Variants in JAZF1 observed in about 807,000 individuals in gnomAD.
JAZF1 encodes the protein JAZF zinc finger 1, also known as juxtaposed with another zinc finger protein 1.
In JAZF1, 8 loss-of-function variants were observed where a neutral mutation model predicts 26.4. That is an observed-to-expected ratio of 0.30 (90% CI 0.18 to 0.55). JAZF1 has a LOEUF of 0.55. Among genes scored for constraint, JAZF1 ranks in the 20% least tolerant of loss-of-function variants. The pLI, the probability that JAZF1 is intolerant of heterozygous loss-of-function variation, is 0.94. For missense variants in JAZF1, 199 were observed against 322.0 expected, an observed-to-expected ratio of 0.62 and a Z score of 2.92; for synonymous variants, 126 against 122.3, an observed-to-expected ratio of 1.03 and a Z score of -0.20.
chr7:28,091,128 T>G (rs1352315135), intron 1 of JAZF1, among the ~76,000 whole-genome samples: 1 of 152,126 alleles, frequency 6.6e-6, no homozygotes, highest in Non-Finnish European at 1.5e-5. Flanking sequence ...GCCCGGCCTT[T>G]TTTTTAGTTT....
intron 3 of JAZF1, chr7:27,843,440 C>T (rs886921448): frequency 6.6e-6 from 1 of 152,172 alleles, no homozygotes; most frequent in African/African-American, 2.4e-5. Context: ...GATAGGAGGA[C>T]CTCCATAGAG....
chr7:27,972,392 C>T (rs778707200), intron 2 of JAZF1, among the ~76,000 whole-genome samples: 3 of 152,146 alleles, frequency 2.0e-5, no homozygotes, highest in Admixed American at 6.5e-5. Context: ...GCTGGGTGTG[C>T]TCAAGGGGCA....
chr7:27,951,213 A>G lies in JAZF1; in HGVS notation c.188+40696T>C, dbSNP rs7797280. ...CACTCCTATTTAAATATGCTGTTCA[A>G]TTTTCATCTGGGTGTGCTAACTTCC... On this transcript the variant is annotated intron_variant, in intron 2 of 4. Coordinates refer to ENST00000283928, the MANE Select transcript of JAZF1 (RefSeq NM_175061.4). Among the ~76,000 whole-genome samples, 1,294 of 152,202 alleles carry G rather than the reference A, an allele frequency of 8.5e-3. 20 individuals carry two copies. Among genetic ancestry groups the G allele is most frequent in the African/African-American group, 0.03 (1,239 of 41,518 alleles).
At chr7:27,957,461 G>A (rs183264558) in intron 2 of JAZF1, among the ~76,000 whole-genome samples, 15 of 152,314 alleles carry the variant, frequency 9.8e-5, no homozygotes, top group African/African-American at 3.1e-4. Context: ...GACGCAGCTG[G>A]TGTGAAGCAT....
At chr7:27,868,387 T>A (rs1470198065) in intron 3 of JAZF1, among the ~76,000 whole-genome samples, 1 of 152,216 alleles carries the variant, frequency 6.6e-6, no homozygotes, top group Non-Finnish European at 1.5e-5. Context: ...CCTGTGGGGT[T>A]GACTGCCGCT....
chr7:28,061,147 A>G (rs184539759), intron 1 of JAZF1, among the ~76,000 whole-genome samples: 64 of 152,346 alleles, frequency 4.2e-4, no homozygotes, highest in Admixed American at 6.5e-4. Context: ...GTAAGGATCA[A>G]ATGAGTTAGT....
intron 4 of JAZF1, 108 bp from the exon 5 acceptor site, chr7:27,833,084 G>C (rs1425114881): frequency 1.1e-5 from 9 of 823,178 alleles, no homozygotes; most frequent in Non-Finnish European, 1.7e-5. Context: ...CAGCTGTTTA[G>C]AGTGTAGTCT....
chr7:27,993,406 T>A lies in JAZF1; in HGVS notation c.116-1425A>T, dbSNP rs1198124508. On this transcript the variant is annotated intron_variant, in intron 1 of 4. Coordinates refer to ENST00000283928, the MANE Select transcript of JAZF1 (RefSeq NM_175061.4). ...GGGATAAAAGGAGTGGTTCTCTAAATAACAAAAAAACCACTCTTCACGGGG... is the reference window on the plus strand; with the variant it reads ...GGGATAAAAGGAGTGGTTCTCTAAAAAACAAAAAAACCACTCTTCACGGGG... 2.6e-5 allele frequency among the ~76,000 whole-genome samples: 4 copies of A among 152,198 alleles called. No individual in the cohort carries two copies. In the East Asian group the frequency reaches 7.7e-4, roughly 29 times the overall value.
At chr7:27,857,727 T>C (rs1379780985) in intron 3 of JAZF1, among the ~76,000 whole-genome samples, 1 of 152,226 alleles carries the variant, frequency 6.6e-6, no homozygotes, top group South Asian at 2.1e-4. Context: ...AAACTAGGTA[T>C]TGACGGATCA....
At chr7:27,978,117 T>C (rs1463512353) in intron 2 of JAZF1, among the ~76,000 whole-genome samples, 3 of 152,260 alleles carry the variant, frequency 2.0e-5, no homozygotes, top group African/African-American at 7.2e-5. Flanking sequence ...TAGCAGCTCC[T>C]TGTTTCACAT....
chr7:28,086,039 C>A (rs1481801351), intron 1 of JAZF1, among the ~76,000 whole-genome samples: 1 of 152,166 alleles, frequency 6.6e-6, no homozygotes, highest in African/African-American at 2.4e-5. Flanking sequence ...TATCCATATG[C>A]CTAACCCACA....
At chr7:27,906,731 A>G (rs117160305) in intron 2 of JAZF1, among the ~76,000 whole-genome samples, 33 of 152,348 alleles carry the variant, frequency 2.2e-4, no homozygotes, top group East Asian at 5.8e-4. Context: ...TTGGAGACCA[A>G]TGGAATATCT....
rs182596219 is a variant in JAZF1, at chr7:27,921,718, C to T, written c.189-26302G>A. Among the ~76,000 whole-genome samples, 7 of 152,166 alleles carry T rather than the reference C, an allele frequency of 4.6e-5. No homozygotes were observed. The East Asian group carries it at 1.2e-3, about 25-fold the overall frequency. ...AAAATAATCCATGAAAAATACAGGG[C>T]TCTGAACTGTTCACTTAAAAATGCA... On this transcript the variant is annotated intron_variant, in intron 2 of 4. Coordinates refer to ENST00000283928, the MANE Select transcript of JAZF1 (RefSeq NM_175061.4).
chr7:27,857,030 C>T (rs1783271642), intron 3 of JAZF1, among the ~76,000 whole-genome samples: 2 of 152,266 alleles, frequency 1.3e-5, no homozygotes, highest in Admixed American at 6.5e-5. Context: ...GTGGAGCTGC[C>T]TGCCAGTCCC....
chr7:28,107,109 A>AT (rs1313841357), intron 1 of JAZF1, among the ~76,000 whole-genome samples: 2 of 152,250 alleles, frequency 1.3e-5, no homozygotes, highest in African/African-American at 4.8e-5. Context: ...ACATCGAATT[A>AT]ATCTGCCACC....
chr7:28,050,325 G>T (rs748393415), intron 1 of JAZF1, among the ~76,000 whole-genome samples: 1 of 152,266 alleles, frequency 6.6e-6, no homozygotes, highest in African/African-American at 2.4e-5. Context: ...GGTTACCAGG[G>T]GTTGGAGAAA....
chr7:28,007,011 T>C (rs1782712952), intron 1 of JAZF1, among the ~76,000 whole-genome samples: 1 of 152,216 alleles, frequency 6.6e-6, no homozygotes. Context: ...CAGAAGCACA[T>C]GGAACACTTT....
At chr7:28,155,802 T>C (rs1783175703) in intron 1 of JAZF1, among the ~76,000 whole-genome samples, 2 of 152,214 alleles carry the variant, frequency 1.3e-5, no homozygotes, top group Admixed American at 1.3e-4. Flanking sequence ...CACGCGCACA[T>C]GGGAAGTATA....
chr7:28,001,866 T>C (rs754883264), intron 1 of JAZF1, among the ~76,000 whole-genome samples: 19 of 152,130 alleles, frequency 1.2e-4, no homozygotes, highest in Non-Finnish European at 1.8e-4. Flanking sequence ...GAAAAAGAAC[T>C]GGAAATAGAA....
Sources: gnomAD v4.1 joint callset for allele counts (sites outside exome capture counted in the v4.1 genomes callset) on GRCh38, gnomAD v4.1.1 for gene constraint, MANE v1.5 for transcripts, NCBI Gene and HGNC (gene_info 2026-07-23, HGNC 2026-07-21) for gene names.